PHF11: variants seen among roughly 807,000 people sequenced by gnomAD.
The protein encoded by PHF11 is PHD finger protein 11.
PHF11 carries 38 observed loss-of-function variants against 40.5 expected under a neutral mutation model. The observed-to-expected ratio is 0.94, with a 90% CI of 0.72 to 1.23. The LOEUF (loss-of-function observed/expected upper bound fraction) is 1.23. PHF11 is among the 50% of genes most tolerant of loss of function. The probability of loss-of-function intolerance (pLI) is 0.00; values close to 1 mark genes in which losing one functional copy is unlikely to be tolerated. For missense variants in PHF11, 369 were observed against 392.4 expected (o/e 0.94, Z 0.50); for synonymous variants, 127 against 138.2 (o/e 0.92, Z 0.57).
At chr13:49,510,225 C>A (rs541811718) in intron 2 of PHF11, among the ~76,000 whole-genome samples, 1 of 152,130 alleles carries the variant, frequency 6.6e-6, no homozygotes, top group Admixed American at 6.5e-5. Context: ...GGGGTTTTGC[C>A]ATGTTGCCCA....
At chr13:49,497,865 T>C (rs1197215634) in intron 1 of PHF11, among the ~76,000 whole-genome samples, 1 of 152,178 alleles carries the variant, frequency 6.6e-6, no homozygotes, top group Admixed American at 6.5e-5. Flanking sequence ...TTTGCTATTC[T>C]CTGCAAGGAA....
In PHF11 at chr13:49,495,975, G is replaced by A; in HGVS notation, c.-27G>A. On this transcript the variant is annotated 5_prime_UTR_variant, in exon 1 of 10. Coordinates refer to ENST00000378319, the MANE Select transcript of PHF11 (RefSeq NM_001040443.3). ...GGCACTTCCGGGATCTCGCTATCCG[G>A]CCGCCACCCGCAGCTGCAGCACAGT... is the stretch of plus-strand genomic sequence containing the variant. The A allele has an allele frequency of 6.9e-7, 1 of 1,459,676 alleles. No homozygotes were observed. The highest frequency in any genetic ancestry group is 9.1e-7 in the Non-Finnish European group (1 of 1,093,874). The allele number at this position is 1,459,676 out of a possible 1,614,324, so 90.4% of individuals were successfully genotyped here. A position where few individuals can be genotyped will look rare whatever the true frequency, so the allele number is the denominator to read the frequency against.
chr13:49,523,691 A>G (rs1291288681), intron 7 of PHF11: 1 of 216,756 alleles, frequency 4.6e-6, no homozygotes. Flanking sequence ...TATCGGGTAC[A>G]GTGTACACTG....
intron 3 of PHF11, among the ~76,000 whole-genome samples, chr13:49,514,838 G>A (rs1959130741): frequency 2.0e-5 from 3 of 152,130 alleles, no homozygotes; most frequent in Admixed American, 6.5e-5. Flanking sequence ...GGCAAGACTG[G>A]CTGCTGACAT....
chr13:49,523,280 AATACTT>A (rs1326262806), intron 7 of PHF11, 39 bp downstream of exon 7: 4 of 1,363,900 alleles, frequency 2.9e-6, no homozygotes, highest in African/African-American at 1.4e-5. Context: ...TATGGCCTAC[AATACTT>A]ATAAAAATGT....
intron 8 of PHF11, chr13:49,525,863 T>G (rs1299240324): frequency 1.1e-5 from 5 of 447,696 alleles, no homozygotes; most frequent in Admixed American, 7.5e-5. Flanking sequence ...AGATTCTGAT[T>G]CAGTACAAAT....
chr13:49,509,789 T>G (rs1396468251), intron 2 of PHF11, among the ~76,000 whole-genome samples: 2 of 152,242 alleles, frequency 1.3e-5, no homozygotes, highest in African/African-American at 4.8e-5. Context: ...TCCGTGATTG[T>G]GAGGCCTCTC....
intron 1 of PHF11, among the ~76,000 whole-genome samples, chr13:49,498,806 T>TGG (rs1425189391): frequency 6.6e-6 from 1 of 152,198 alleles, no homozygotes; most frequent in Non-Finnish European, 1.5e-5. Context: ...GCCAGCACTG[T>TGG]CTTTCTCTTA....
chr13:49,503,472 C>G (rs568540481), intron 1 of PHF11, among the ~76,000 whole-genome samples: 2 of 152,296 alleles, frequency 1.3e-5, no homozygotes, highest in Non-Finnish European at 2.9e-5. Flanking sequence ...TCTATCTCAC[C>G]ACATTTCTTT....
chr13:49,506,077 C>T (rs1426047652), intron 1 of PHF11, among the ~76,000 whole-genome samples: 1 of 151,882 alleles, frequency 6.6e-6, no homozygotes, highest in African/African-American at 2.4e-5. Flanking sequence ...TATTTAAATT[C>T]CTGGTTGTGT....
chr13:49,501,000 G>GTC (rs1958892159), intron 1 of PHF11, among the ~76,000 whole-genome samples: 8 of 51,310 alleles, frequency 1.6e-4, no homozygotes, highest in Non-Finnish European at 7.3e-5. Flanking sequence ...ACCAACTTTT[G>GTC]TTTTTTTTTT....
chr13:49,498,834 A>T (rs1261807162), intron 1 of PHF11, among the ~76,000 whole-genome samples: 1 of 152,204 alleles, frequency 6.6e-6, no homozygotes, highest in Non-Finnish European at 1.5e-5. Flanking sequence ...ATGGGCACAC[A>T]CACATATAAA....
chr13:49,499,777 A>G (rs576750397), intron 1 of PHF11, among the ~76,000 whole-genome samples: 2 of 152,374 alleles, frequency 1.3e-5, no homozygotes, highest in East Asian at 3.9e-4. Context: ...AGGAGAAGAA[A>G]GGAGGAAATC....
At chr13:49,523,465 A>C in intron 7 of PHF11, 1 of 535,384 alleles carries the variant, frequency 1.9e-6, no homozygotes, top group Non-Finnish European at 3.3e-6. Flanking sequence ...AAGAAAAGAT[A>C]GACTTCTATT....
rs930719417 is a variant in PHF11 at position 49,528,727 on chromosome 13, C to A, written c.*62C>A. 1 of 1,255,098 alleles carries A rather than the reference C, an allele frequency of 8.0e-7. No individual in the cohort carries two copies. The allele number at this position is 1,255,098 out of a possible 1,614,324, so 77.7% of individuals were successfully genotyped here. A position where few individuals can be genotyped will look rare whatever the true frequency, so the allele number is the denominator to read the frequency against. ...TGCAATCAGGCTCAAAACCAGAGAC[C>A]AGGCTGTGAAATCCACACATCTTTA... is the stretch of plus-strand genomic sequence containing the variant. On this transcript the variant is annotated 3_prime_UTR_variant, in exon 10 of 10. Coordinates refer to ENST00000378319, the MANE Select transcript of PHF11 (RefSeq NM_001040443.3).
rs1200697917 is a variant in PHF11 at position 49,522,758 on chromosome 13, G to GTTTTTT, written c.571-417_571-416insTTTTTT. 1.4e-4 allele frequency among the ~76,000 whole-genome samples: 5 copies of GTTTTTT among 35,818 alleles called. 1 individual carries two copies. The highest frequency in any genetic ancestry group is 2.3e-4 in the Non-Finnish European group (3 of 13,206). 23.5% of individuals were successfully genotyped at this position (35,818 alleles called of 152,430 possible). On this transcript the variant is annotated intron_variant, in intron 6 of 9. Transcript: ENST00000378319. ...TGTTTACATCTAAATATGAATATGG[G>GTTTTTT]GTTTTTTTGTTTTTTTTTTTTTTTG... is the stretch of plus-strand genomic sequence containing the variant.
intron 5 of PHF11, 175 bp downstream of exon 5, chr13:49,521,115 A>C: frequency 7.7e-7 from 1 of 1,299,524 alleles, no homozygotes; most frequent in Non-Finnish European, 9.7e-7. Context: ...TGACTGACTA[A>C]TTTTTTCTTC....
Position 49,499,752 on chromosome 13 carries a change from AAC to A in PHF11, c.94+3660_94+3661del, listed in dbSNP as rs552077380. Among the ~76,000 whole-genome samples, 3 of 152,262 alleles carry A rather than the reference AAC, an allele frequency of 2.0e-5. No homozygotes were observed. In the South Asian group the frequency reaches 6.2e-4, roughly 31 times the overall value. On this transcript the variant is annotated intron_variant, in intron 1 of 9. Transcript: ENST00000378319. The stretch of plus-strand genomic sequence containing the variant: ...AGAACTAAAATAGTAAATTGCAATA[AAC>A]ACTAATGATAAAAGGAGAAGAAAGG...
chr13:49,525,557 T>C (rs997686506), intron 8 of PHF11, among the ~76,000 whole-genome samples: 24 of 152,304 alleles, frequency 1.6e-4, no homozygotes, highest in African/African-American at 5.8e-4. Flanking sequence ...CTTACTTAGC[T>C]TTCTTATAAC....
Sources: gnomAD v4.1 joint callset for allele counts (sites outside exome capture counted in the v4.1 genomes callset) on GRCh38, gnomAD v4.1.1 for gene constraint, MANE v1.5 for transcripts, NCBI Gene and HGNC (gene_info 2026-07-23, HGNC 2026-07-21) for gene names.